GRID2: variants seen among roughly 807,000 people sequenced by gnomAD.
GRID2 encodes the protein glutamate receptor ionotropic, delta-2.
A neutral mutation model predicts 114.8 loss-of-function variants in GRID2; 33 were observed. That is an observed-to-expected ratio of 0.29 (90% CI 0.22 to 0.38). GRID2 has a LOEUF of 0.38. Among genes scored for constraint, GRID2 ranks in the 10% least tolerant of loss-of-function variants. The probability of loss-of-function intolerance (pLI) is 1.00; values close to 1 mark genes in which losing one functional copy is unlikely to be tolerated. For synonymous variants in GRID2, 505 were observed against 449.9 expected, an observed-to-expected ratio of 1.12 and a Z score of -1.55; for missense variants, 1,184 against 1,257.7, an observed-to-expected ratio of 0.94 and a Z score of 0.89.
chr4:93,295,523 G>A (rs575431700), intron 8 of GRID2, among the ~76,000 whole-genome samples: 2 of 152,240 alleles, frequency 1.3e-5, no homozygotes, highest in African/African-American at 4.8e-5. Context: ...GTCAAGAATG[G>A]CAGGCTGGAA....
At chr4:92,422,651 G>T (rs758051094) in intron 1 of GRID2, among the ~76,000 whole-genome samples, 8 of 152,072 alleles carry the variant, frequency 5.3e-5, no homozygotes, top group Non-Finnish European at 1.0e-4. Context: ...CATCTGGGTG[G>T]TGCCAGCTAA....
intron 1 of GRID2, among the ~76,000 whole-genome samples, chr4:92,574,829 T>C (rs760754104): frequency 1.3e-5 from 2 of 152,128 alleles, no homozygotes; most frequent in African/African-American, 2.4e-5. Flanking sequence ...GAGTATCTTA[T>C]TGGGGTTTTC....
chr4:92,683,700 AAAG>A (rs1322885668), intron 2 of GRID2, among the ~76,000 whole-genome samples: 1 of 151,938 alleles, frequency 6.6e-6, no homozygotes, highest in Non-Finnish European at 1.5e-5. Flanking sequence ...GCAAAACAAA[AAAG>A]ATTAAAAATA....
chr4:92,405,545 G>A (rs771428344), intron 1 of GRID2, among the ~76,000 whole-genome samples: 4 of 152,004 alleles, frequency 2.6e-5, no homozygotes, highest in Non-Finnish European at 5.9e-5. Context: ...GTTCCTTGCT[G>A]TGGGTGTTAA....
chr4:93,299,730 T>C (rs1754674098), intron 8 of GRID2, among the ~76,000 whole-genome samples: 1 of 151,686 alleles, frequency 6.6e-6, no homozygotes, highest in South Asian at 2.1e-4. Context: ...AAGGATTAAA[T>C]CTGGATTTCT....
intron 8 of GRID2, among the ~76,000 whole-genome samples, chr4:93,335,753 T>C (rs563389355): frequency 3.0e-4 from 45 of 150,886 alleles, no homozygotes; most frequent in African/African-American, 1.0e-3. Flanking sequence ...TGCAGTGCAG[T>C]GGCATGACAA....
intron 4 of GRID2, among the ~76,000 whole-genome samples, chr4:93,117,272 T>A (rs949981568): frequency 2.0e-5 from 3 of 152,100 alleles, no homozygotes; most frequent in African/African-American, 7.2e-5. Context: ...ATGGCGACAT[T>A]AGTTGCCCCA....
intron 2 of GRID2, among the ~76,000 whole-genome samples, chr4:92,918,586 C>CT (rs1482992530): frequency 5.3e-5 from 8 of 151,950 alleles, no homozygotes; most frequent in Admixed American, 2.0e-4. Flanking sequence ...TGTCAAAGGC[C>CT]TTTCTGCATC....
intron 2 of GRID2, among the ~76,000 whole-genome samples, chr4:93,027,231 G>A (rs551107807): frequency 6.6e-6 from 1 of 152,088 alleles, no homozygotes; most frequent in South Asian, 2.1e-4. Flanking sequence ...TCAGTAGTTA[G>A]AACAGTCAAA....
chr4:92,444,992 A>G (rs1733373368), intron 1 of GRID2, among the ~76,000 whole-genome samples: 1 of 152,262 alleles, frequency 6.6e-6, no homozygotes, highest in South Asian at 2.1e-4. Flanking sequence ...TTTGTTTGTG[A>G]AAGGATTTTG....
At chr4:92,621,048 A>T (rs1157458375) in intron 2 of GRID2, among the ~76,000 whole-genome samples, 2 of 151,134 alleles carry the variant, frequency 1.3e-5, no homozygotes, top group African/African-American at 4.9e-5. Context: ...CAGAGCTGAG[A>T]TTTTTTTCTG....
At chr4:93,075,089 G>T (rs985498817) in intron 2 of GRID2, among the ~76,000 whole-genome samples, 2 of 152,112 alleles carry the variant, frequency 1.3e-5, no homozygotes, top group African/African-American at 4.8e-5. Flanking sequence ...TTCAAAATGT[G>T]TGACTATATT....
At chr4:93,065,112 T>C (rs1728186880) in intron 2 of GRID2, among the ~76,000 whole-genome samples, 2 of 151,846 alleles carry the variant, frequency 1.3e-5, no homozygotes, top group Non-Finnish European at 2.9e-5. Context: ...TTAAAAAATA[T>C]TTTTGAGATC....
intron 2 of GRID2, among the ~76,000 whole-genome samples, chr4:92,941,721 C>T (rs1354363237): frequency 2.0e-5 from 3 of 152,116 alleles, no homozygotes; most frequent in African/African-American, 7.2e-5. Context: ...TGCAAATTTC[C>T]CTCTACACAC....
At chr4:93,741,179 A>ATATATATATATG (rs1731359447) in intron 14 of GRID2, among the ~76,000 whole-genome samples, 1 of 32,818 alleles carries the variant, frequency 3.0e-5, no homozygotes, top group Non-Finnish European at 6.3e-5. Flanking sequence ...ATATACATAT[A>ATATATATATATG]TATATATATA....
chr4:92,543,107 A>G (rs181972803), intron 1 of GRID2, among the ~76,000 whole-genome samples: 4 of 152,146 alleles, frequency 2.6e-5, no homozygotes, highest in East Asian at 1.9e-4. Flanking sequence ...AGGAAGAGAG[A>G]TGAATTTTCC....
intron 14 of GRID2, among the ~76,000 whole-genome samples, chr4:93,724,993 T>A (rs2110204422): frequency 6.6e-6 from 1 of 152,118 alleles, no homozygotes; most frequent in African/African-American, 2.4e-5. Context: ...TTAATTTTAT[T>A]ATTATTATAC....
At chr4:92,669,767 A>G (rs979195873) in intron 2 of GRID2, among the ~76,000 whole-genome samples, 4 of 152,044 alleles carry the variant, frequency 2.6e-5, no homozygotes, top group East Asian at 1.9e-4. Flanking sequence ...GAGAAATTAT[A>G]TACCATTTGG....
chr4:92,707,494 TATGAA>T (rs1380357675), intron 2 of GRID2, among the ~76,000 whole-genome samples: 33 of 152,252 alleles, frequency 2.2e-4, no homozygotes, highest in African/African-American at 7.2e-4. Flanking sequence ...CAAAGACAAA[TATGAA>T]ATAATTCACT....
Sources: allele counts gnomAD v4.1 joint callset (sites outside exome capture counted in the v4.1 genomes callset), GRCh38; gene constraint gnomAD v4.1.1; transcripts MANE v1.5; gene names NCBI Gene and HGNC (gene_info 2026-07-23, HGNC 2026-07-21).